Variants in ARL17B observed in about 807,000 individuals in gnomAD.
ARL17B encodes ADP-ribosylation factor-like protein 17.
chr17:46,285,396 A>G (rs1311634964), intron 4 of ARL17B, among the ~76,000 whole-genome samples: 2 of 151,754 alleles, frequency 1.3e-5, no homozygotes, highest in Non-Finnish European at 2.9e-5. Context: ...TCACGCCACC[A>G]CACCCGACTA....
At chr17:46,293,020 C>T (rs569335234) in intron 4 of ARL17B, 3 of 49,032 alleles carry the variant, frequency 6.1e-5, no homozygotes, top group South Asian at 1.1e-3. Flanking sequence ...GTGGTATGAT[C>T]CCAGCTCATT....
At chr17:46,274,461 TGTG>T (rs1215865010), downstream of ARL17B, among the ~76,000 whole-genome samples, 3 of 152,170 alleles carry the variant, frequency 2.0e-5, no homozygotes, top group Non-Finnish European at 4.4e-5. Flanking sequence ...GATTCGCAGT[TGTG>T]TGTGTGTGCA....
exon 5 of ARL17B, chr17:46,275,196 T>C (rs1185714796): frequency 9.3e-6 from 3 of 321,276 alleles, no homozygotes; most frequent in Non-Finnish European, 1.6e-5. Flanking sequence ...CTGGCAACTT[T>C]GCTTTTTTCT....
intron 4 of ARL17B, among the ~76,000 whole-genome samples, chr17:46,286,549 T>G (rs1304776696): frequency 2.0e-5 from 3 of 152,224 alleles, no homozygotes; most frequent in Non-Finnish European, 4.4e-5. Context: ...ATGTTACATA[T>G]TGAAGAATCA....
chr17:46,313,906 G>T, intron 3 of ARL17B, among the ~76,000 whole-genome samples: 1 of 62,476 alleles, frequency 1.6e-5, no homozygotes, highest in Admixed American at 1.8e-4. Context: ...TCTTTTTATT[G>T]AATTATAGGA....
chr17:46,282,125 C>T (rs1237570471), intron 4 of ARL17B, among the ~76,000 whole-genome samples: 1 of 151,266 alleles, frequency 6.6e-6, no homozygotes, highest in African/African-American at 2.4e-5. Context: ...TTTTTTGAGA[C>T]GGAGTCTCGC....
chr17:46,276,563 C>G (rs2049591843), intron 4 of ARL17B, among the ~76,000 whole-genome samples: 1 of 152,058 alleles, frequency 6.6e-6, no homozygotes, highest in Non-Finnish European at 1.5e-5. Context: ...TGAATTATAA[C>G]AAAGTGCAGT....
intron 4 of ARL17B, among the ~76,000 whole-genome samples, chr17:46,286,718 A>AT (rs1273219496): frequency 6.6e-6 from 1 of 152,260 alleles, no homozygotes; most frequent in East Asian, 1.9e-4. Context: ...TCTGCTTTTT[A>AT]TTTTAAAGTA....
rs373782447 is a variant in ARL17B, at chr17:46,291,459, G to A, written c.*21+8067C>T. Among the ~76,000 whole-genome samples, 107 of 152,032 alleles carry A rather than the reference G, an allele frequency of 7.0e-4. 1 individual carries two copies. In the East Asian group the frequency reaches 8.5e-3, roughly 12 times the overall value. The stretch of plus-strand genomic sequence containing the variant: ...CACTAACAGTAAGAGTTTCTCGGGG[G>A]TAAGGGAGGCTAACATGCTGTGTGT... On this transcript the variant is annotated intron_variant, in intron 4 of 4. Transcript: ENST00000570618.
rs2143946550 is a variant in ARL17B at position 46,323,513 on chromosome 17, C to A, written c.260-23848G>T. ...CCAGGTTCAAGTGGTTCTCCTGCCT[C>A]AGCCTTCCGAGTAGCTGGGATTACA... On this transcript the variant is annotated intron_variant, in intron 3 of 4. Transcript: ENST00000434041. Among the ~76,000 whole-genome samples the A allele has an allele frequency of 2.1e-5, 2 of 93,342 alleles. 1 individual carries two copies. The highest frequency in any genetic ancestry group is 1.2e-3 in the South Asian group (2 of 1,706). 61.2% of individuals were successfully genotyped at this position (93,342 alleles called of 152,430 possible). A position where few individuals can be genotyped will look rare whatever the true frequency, so the allele number is the denominator to read the frequency against.
chr17:46,281,265 C>T (rs1278183481), intron 4 of ARL17B, among the ~76,000 whole-genome samples: 1 of 151,898 alleles, frequency 6.6e-6, no homozygotes, highest in African/African-American at 2.4e-5. Context: ...TTAATTTATT[C>T]ACTGCTAAAT....
chr17:46,289,758 G>C (rs1253409806), intron 4 of ARL17B, among the ~76,000 whole-genome samples: 10 of 152,162 alleles, frequency 6.6e-5, no homozygotes. Context: ...AAATAACTTA[G>C]CCCACGTTTC....
At chr17:46,276,796 T>TTTC in intron 4 of ARL17B, among the ~76,000 whole-genome samples, 1 of 151,402 alleles carries the variant, frequency 6.6e-6, no homozygotes, top group Non-Finnish European at 1.5e-5. Flanking sequence ...TTTTCTTTTT[T>TTTC]TTTTTTTTTT....
chr17:46,282,227 C>T (rs1164211566), intron 4 of ARL17B, among the ~76,000 whole-genome samples: 4 of 152,154 alleles, frequency 2.6e-5, no homozygotes, highest in South Asian at 4.1e-4. Context: ...CTCAGCCTCC[C>T]GAGTAGCTGG....
chr17:46,274,701 G>T (rs1469486514), downstream of ARL17B: 3 of 152,464 alleles, frequency 2.0e-5, no homozygotes, highest in Non-Finnish European at 4.4e-5. Context: ...CTCTAAACCA[G>T]CTTCTTCACT....
chr17:46,285,579 C>T (rs905986331), intron 4 of ARL17B, among the ~76,000 whole-genome samples: 4 of 152,178 alleles, frequency 2.6e-5, no homozygotes, highest in African/African-American at 9.7e-5. Flanking sequence ...TAACTATAAT[C>T]TAATCATACT....
At chr17:46,284,252 C>T (rs1447650602) in intron 4 of ARL17B, among the ~76,000 whole-genome samples, 2 of 152,266 alleles carry the variant, frequency 1.3e-5, no homozygotes, top group Non-Finnish European at 2.9e-5. Context: ...TTGGACAATA[C>T]CTGGCTTTCC....
chr17:46,278,427 T>G (rs148953766), intron 4 of ARL17B, among the ~76,000 whole-genome samples: 1,655 of 151,430 alleles, frequency 0.011, 31 homozygotes, highest in African/African-American at 0.039. Flanking sequence ...TGTTTTAAGA[T>G]GGAGTCTTGC....
intron 4 of ARL17B, among the ~76,000 whole-genome samples, chr17:46,290,655 C>T (rs2050041721): frequency 6.6e-6 from 1 of 152,200 alleles, no homozygotes; most frequent in African/African-American, 2.4e-5. Context: ...CCCTGTTAGC[C>T]AGGCTGGTCT....
Sources: allele counts gnomAD v4.1 joint callset (sites outside exome capture counted in the v4.1 genomes callset), GRCh38; gene constraint gnomAD v4.1.1; transcripts MANE v1.5; gene names NCBI Gene and HGNC (gene_info 2026-07-23, HGNC 2026-07-21).